Variants in GRID2 observed in about 807,000 individuals in gnomAD.
The protein encoded by GRID2 is glutamate receptor ionotropic, delta-2.
A neutral mutation model predicts 114.8 loss-of-function variants in GRID2; 33 were observed. That is an observed-to-expected ratio of 0.29 (90% confidence interval 0.22 to 0.38). The LOEUF (loss-of-function observed/expected upper bound fraction) is 0.38, where lower values mean the gene tolerates loss of function less well. GRID2 is among the 10% of genes least tolerant of loss of function. The pLI is 1.00. For missense variants in GRID2, 1,184 were observed against 1,257.7 expected (o/e 0.94, Z 0.89); for synonymous variants, 505 against 449.9 (o/e 1.12, Z -1.55).
intron 4 of GRID2, among the ~76,000 whole-genome samples, chr4:93,180,158 G>A (rs964952063): frequency 2.0e-5 from 3 of 151,892 alleles, no homozygotes; most frequent in Non-Finnish European, 4.4e-5. Flanking sequence ...CGTCAAAAAA[G>A]TTCAATATTT....
intron 8 of GRID2, among the ~76,000 whole-genome samples, chr4:93,309,779 C>T (rs540308124): frequency 2.7e-4 from 41 of 152,238 alleles, no homozygotes; most frequent in Admixed American, 1.2e-3. Flanking sequence ...ATTCAATAAA[C>T]AATCTCCTTG....
intron 13 of GRID2, among the ~76,000 whole-genome samples, chr4:93,601,291 G>A (rs1433221720): frequency 1.3e-5 from 2 of 152,090 alleles, no homozygotes; most frequent in Non-Finnish European, 2.9e-5. Context: ...TGAAAATAGA[G>A]TATATGCCTA....
rs144460477 is a variant in GRID2 at position 93,021,220 on chromosome 4, C to T, written c.245-63775C>T. ...GTATTATTCATGAAAATAACTGGAG[C>T]ATTTTTAGAATGCATCTTATATACT... On this transcript the variant is annotated intron_variant, in intron 2 of 15. Coordinates refer to ENST00000282020, the MANE Select transcript of GRID2 (RefSeq NM_001510.4). Among the ~76,000 whole-genome samples the T allele has an allele frequency of 8.5e-3, 1,282 of 151,532 alleles. 20 individuals carry two copies. Among genetic ancestry groups the T allele is most frequent in the African/African-American group, 0.029 (1,215 of 41,394 alleles).
At chr4:92,569,958 G>A (rs1727529442) in intron 1 of GRID2, among the ~76,000 whole-genome samples, 1 of 152,018 alleles carries the variant, frequency 6.6e-6, no homozygotes. Context: ...AAGCGCTTTA[G>A]TTTAATTAGA....
intron 1 of GRID2, among the ~76,000 whole-genome samples, chr4:92,509,993 G>A (rs1441764621): frequency 6.6e-6 from 1 of 151,884 alleles, no homozygotes; most frequent in Non-Finnish European, 1.5e-5. Flanking sequence ...GCAGGCTAAT[G>A]TCATATTCTG....
At chr4:93,424,902 T>C (rs1016370731) in intron 10 of GRID2, among the ~76,000 whole-genome samples, 2 of 152,182 alleles carry the variant, frequency 1.3e-5, no homozygotes, top group African/African-American at 4.8e-5. Context: ...TTTGTCTTGA[T>C]CTGCCTTCAA....
intron 13 of GRID2, among the ~76,000 whole-genome samples, chr4:93,539,940 A>G (rs1361900875): frequency 2.6e-5 from 4 of 151,892 alleles, no homozygotes; most frequent in African/African-American, 9.7e-5. Context: ...CTATAAACTC[A>G]TGTTCTTCAG....
intron 1 of GRID2, among the ~76,000 whole-genome samples, chr4:92,555,094 G>C (rs191153049): frequency 3.5e-4 from 54 of 152,266 alleles, no homozygotes; most frequent in African/African-American, 1.3e-3. Flanking sequence ...AGTTGCATGA[G>C]TTTGCAGGCA....
chr4:93,221,224 A>T (rs1427608162), intron 6 of GRID2, among the ~76,000 whole-genome samples: 1 of 152,182 alleles, frequency 6.6e-6, no homozygotes, highest in Non-Finnish European at 1.5e-5. Context: ...AATTCTGGAT[A>T]CTAAATTTTT....
At chr4:93,025,251 C>G (rs1458493528) in intron 2 of GRID2, among the ~76,000 whole-genome samples, 1 of 151,738 alleles carries the variant, frequency 6.6e-6, no homozygotes, top group African/African-American at 2.4e-5. Flanking sequence ...AGAAAAGAGA[C>G]TTCTCCATAA....
At chr4:92,592,325 C>T (rs761951013) in intron 2 of GRID2, among the ~76,000 whole-genome samples, 1 of 151,518 alleles carries the variant, frequency 6.6e-6, no homozygotes, top group South Asian at 2.1e-4. Flanking sequence ...AAAAATTAAC[C>T]TTGAGTAAAA....
chr4:93,226,352 T>C (rs1161262566), intron 7 of GRID2, among the ~76,000 whole-genome samples: 1 of 152,118 alleles, frequency 6.6e-6, no homozygotes, highest in East Asian at 1.9e-4. Flanking sequence ...CAAAATGCAA[T>C]GGTGGGACAG....
At chr4:93,200,570 C>CA (rs1560978061) in intron 4 of GRID2, among the ~76,000 whole-genome samples, 2 of 143,206 alleles carry the variant, frequency 1.4e-5, no homozygotes, top group African/African-American at 3.0e-5. Context: ...CGTCTCAAAA[C>CA]AAACAAACAA....
intron 14 of GRID2, among the ~76,000 whole-genome samples, chr4:93,724,325 G>C (rs1729648359): frequency 6.6e-6 from 1 of 152,118 alleles, no homozygotes; most frequent in South Asian, 2.1e-4. Flanking sequence ...AGACTAGGCA[G>C]CCAACCTCCT....
intron 1 of GRID2, among the ~76,000 whole-genome samples, chr4:92,345,470 C>A (rs1489770986): frequency 6.6e-6 from 1 of 152,078 alleles, no homozygotes; most frequent in Non-Finnish European, 1.5e-5. Context: ...GGGTAGATAC[C>A]CAGTAGTGGG....
At chr4:93,239,841 C>T (rs981461223) in intron 8 of GRID2, among the ~76,000 whole-genome samples, 9 of 151,520 alleles carry the variant, frequency 5.9e-5, no homozygotes, top group Admixed American at 3.3e-4. Context: ...ATGTTTTTAT[C>T]ACCTGTGTTT....
At chr4:93,039,616 A>T (rs910145957) in intron 2 of GRID2, among the ~76,000 whole-genome samples, 10 of 152,224 alleles carry the variant, frequency 6.6e-5, no homozygotes, top group Middle Eastern at 6.8e-3. Flanking sequence ...GAGACCAGTT[A>T]TATCTAACAG....
intron 2 of GRID2, among the ~76,000 whole-genome samples, chr4:92,875,106 G>T (rs1349401314): frequency 1.4e-5 from 2 of 147,406 alleles, no homozygotes; most frequent in Non-Finnish European, 3.0e-5. Flanking sequence ...ACTAGAGGTA[G>T]CAACTGAAGG....
chr4:92,445,495 T>A (rs755927580), intron 1 of GRID2, among the ~76,000 whole-genome samples: 1 of 152,236 alleles, frequency 6.6e-6, no homozygotes, highest in Non-Finnish European at 1.5e-5. Context: ...TGTATACAGC[T>A]GAAAGAGTGT....
Sources: gnomAD v4.1 joint callset for allele counts (sites outside exome capture counted in the v4.1 genomes callset) on GRCh38, gnomAD v4.1.1 for gene constraint, MANE v1.5 for transcripts, NCBI Gene and HGNC (gene_info 2026-07-23, HGNC 2026-07-21) for gene names.